The following STK39 variants were observed in gnomAD, a reference collection of about 807,000 sequenced individuals.
The protein encoded by STK39 is STE20/SPS1-related proline-alanine-rich protein kinase.
A neutral mutation model predicts 77.8 loss-of-function variants in STK39; 20 were observed. That is an observed-to-expected ratio of 0.26 (90% CI 0.18 to 0.37). STK39 has a LOEUF of 0.37. Ranked by LOEUF, STK39 falls within the 10% of genes least tolerant of loss-of-function variation. The probability of loss-of-function intolerance (pLI) is 1.00; values close to 1 mark genes in which losing one functional copy is unlikely to be tolerated. For missense variants in STK39, 479 were observed against 656.5 expected, an observed-to-expected ratio of 0.73 and a Z score of 2.95; for synonymous variants, 246 against 234.1, an observed-to-expected ratio of 1.05 and a Z score of -0.47.
chr2:168,235,410 A>T (rs1272952725), intron 1 of STK39, among the ~76,000 whole-genome samples: 3 of 151,856 alleles, frequency 2.0e-5, no homozygotes, highest in Non-Finnish European at 4.4e-5. Context: ...AGTGGAAGAA[A>T]ATACTGAATT....
rs201077678 is a variant in STK39 at position 168,075,227 on chromosome 2, C to T, written c.1094G>A (p.Arg365Lys). The change falls in exon 11 of 18, where the codon AGA (arginine) becomes AAA (lysine). Residue 365 changes from arginine to lysine, a missense_variant. Arg to Lys is a conservative substitution (Grantham distance 26). Transcript: ENST00000355999. ...PDIAQRAKKV[R>K]RVPGSSGHLH... ...GTGACCACTTGACCCAGGAACTCTT[C>T]TTACCTGAATCAAAACAAGCCCACA... 70 of 1,613,732 alleles carry T rather than the reference C, an allele frequency of 4.3e-5. No homozygotes were observed. Among genetic ancestry groups the T allele is most frequent in the Non-Finnish European group, 5.6e-5 (66 of 1,180,018 alleles).
At chr2:168,155,621 GT>G (rs60014513) in intron 5 of STK39, among the ~76,000 whole-genome samples, 61,771 of 151,426 alleles carry the variant, frequency 0.41, 14,335 homozygotes, top group East Asian at 0.67. Flanking sequence ...AGTATAACCA[GT>G]TGCCTCTTCA....
intron 14 of STK39, among the ~76,000 whole-genome samples, chr2:168,054,552 C>A (rs1011127646): frequency 6.6e-6 from 1 of 152,162 alleles, no homozygotes; most frequent in Non-Finnish European, 1.5e-5. Context: ...CAAAAGAGAA[C>A]ACCCAAAAAA....
At chr2:167,972,176 G>A (rs768580226) in intron 16 of STK39, among the ~76,000 whole-genome samples, 8 of 152,202 alleles carry the variant, frequency 5.3e-5, no homozygotes, top group African/African-American at 7.2e-5. Flanking sequence ...AAAAGGGTAA[G>A]AATTTCTTAC....
intron 16 of STK39, among the ~76,000 whole-genome samples, chr2:168,000,396 C>T (rs1559051295): frequency 6.6e-6 from 1 of 152,176 alleles, no homozygotes. Context: ...CTGAGAGCTC[C>T]AGCAAGCCTA....
At chr2:167,975,640 C>T (rs186370222) in intron 16 of STK39, among the ~76,000 whole-genome samples, 3 of 152,192 alleles carry the variant, frequency 2.0e-5, no homozygotes, top group Admixed American at 2.0e-4. Flanking sequence ...ACGGTGAAAC[C>T]CCGTCTCTAC....
chr2:168,080,611 C>G (rs1478454613), intron 10 of STK39, among the ~76,000 whole-genome samples: 1 of 151,232 alleles, frequency 6.6e-6, no homozygotes, highest in African/African-American at 2.4e-5. Context: ...GCCTGGGCGA[C>G]AGAGTGAGAC....
At chr2:168,080,962 CT>C (rs1184007849) in intron 10 of STK39, among the ~76,000 whole-genome samples, 1 of 152,206 alleles carries the variant, frequency 6.6e-6, no homozygotes, top group Non-Finnish European at 1.5e-5. Context: ...CTGGGAACCT[CT>C]GCCTAGATTT....
chr2:168,214,603 T>G (rs1486717355), intron 1 of STK39, among the ~76,000 whole-genome samples: 1 of 152,162 alleles, frequency 6.6e-6, no homozygotes, highest in African/African-American at 2.4e-5. Flanking sequence ...GAATTGTTAA[T>G]CTTAAATGGA....
At chr2:167,966,940 CAGTAGCAATGCTCATTAAAA>C (rs1559037073) in intron 16 of STK39, among the ~76,000 whole-genome samples, 4 of 152,152 alleles carry the variant, frequency 2.6e-5, no homozygotes. Flanking sequence ...ATTTCTTTTC[CAGTAGCAATGCTCATTAAAA>C]AGATGGGTGT....
intron 14 of STK39, among the ~76,000 whole-genome samples, chr2:168,023,947 C>T (rs987702032): frequency 4.6e-5 from 7 of 152,134 alleles, no homozygotes; most frequent in Non-Finnish European, 1.0e-4. Flanking sequence ...TACTTTTACC[C>T]GAAATTCCAG....
At chr2:168,116,546 C>G (rs1687262605) in intron 10 of STK39, among the ~76,000 whole-genome samples, 1 of 152,026 alleles carries the variant, frequency 6.6e-6, no homozygotes, top group Non-Finnish European at 1.5e-5. Context: ...AAATAGAGCC[C>G]TGAATCTTTG....
In STK39 at chr2:168,114,772, G is replaced by A. The variant is rs181220936; in HGVS notation, c.1089+14769C>T. The stretch of plus-strand genomic sequence containing the variant: ...TGGCACCGCATGAATGGCTGACATC[G>A]GACCTCATAACAAGCATCTACAACC... On this transcript the variant is annotated intron_variant, in intron 10 of 17. Coordinates refer to ENST00000355999, the MANE Select transcript of STK39 (RefSeq NM_013233.3). Among the ~76,000 whole-genome samples, 11 of 149,188 alleles carry A rather than the reference G, an allele frequency of 7.4e-5. 1 individual carries two copies. The highest frequency in any genetic ancestry group is 1.2e-4 in the Non-Finnish European group (8 of 66,898).
chr2:168,234,843 A>T (rs1690556053), intron 1 of STK39, among the ~76,000 whole-genome samples: 1 of 151,178 alleles, frequency 6.6e-6, no homozygotes, highest in Non-Finnish European at 1.5e-5. Flanking sequence ...TTATTTATTC[A>T]GACATATTTT....
chr2:168,207,332 G>A (rs527559077), intron 1 of STK39, among the ~76,000 whole-genome samples: 14 of 152,226 alleles, frequency 9.2e-5, no homozygotes, highest in Admixed American at 3.3e-4. Context: ...ATACTATTCC[G>A]AGGGTAGTTA....
intron 14 of STK39, among the ~76,000 whole-genome samples, chr2:168,042,362 C>A (rs897261863): frequency 6.6e-6 from 1 of 152,152 alleles, no homozygotes; most frequent in Admixed American, 6.5e-5. Flanking sequence ...CATCTCTCTA[C>A]GGAAAAGCCC....
chr2:168,218,735 A>G (rs1461928955), intron 1 of STK39, among the ~76,000 whole-genome samples: 1 of 152,236 alleles, frequency 6.6e-6, no homozygotes, highest in African/African-American at 2.4e-5. Flanking sequence ...TTAAGAAATA[A>G]AAGCAGATTC....
intron 17 of STK39, among the ~76,000 whole-genome samples, chr2:167,963,770 A>G (rs1692066616): frequency 6.6e-6 from 1 of 152,194 alleles, no homozygotes; most frequent in Non-Finnish European, 1.5e-5. Context: ...CCAGGCTCAC[A>G]TTTACTGTAA....
At chr2:168,149,509 T>C (rs968655175) in intron 5 of STK39, among the ~76,000 whole-genome samples, 2 of 152,220 alleles carry the variant, frequency 1.3e-5, no homozygotes, top group Non-Finnish European at 2.9e-5. Context: ...ATAATTAACG[T>C]TTCTGCTGCT....
Sources: allele counts gnomAD v4.1 joint callset (sites outside exome capture counted in the v4.1 genomes callset), GRCh38; gene constraint gnomAD v4.1.1; transcripts MANE v1.5; gene names NCBI Gene and HGNC (gene_info 2026-07-23, HGNC 2026-07-21).